The following CD55 variants were observed in gnomAD, a reference collection of about 807,000 sequenced individuals.
CD55 encodes the protein complement decay-accelerating factor.
Under a neutral mutation model 45.8 loss-of-function variants are expected in CD55, and 41 were observed. That is an observed-to-expected ratio of 0.90 (90% CI 0.70 to 1.16). CD55 has a LOEUF of 1.16. Ranked by LOEUF, CD55 falls within the 50% of genes most tolerant of loss-of-function variation. The probability of loss-of-function intolerance (pLI) is 0.00; values close to 1 mark genes in which losing one functional copy is unlikely to be tolerated. For missense variants in CD55, 416 were observed against 469.8 expected, an observed-to-expected ratio of 0.89 and a Z score of 1.06; for synonymous variants, 181 against 181.1, an observed-to-expected ratio of 1.00 and a Z score of 0.01.
chr1:207,335,098 A>C (rs1201141606), intron 6 of CD55, among the ~76,000 whole-genome samples: 1 of 152,212 alleles, frequency 6.6e-6, no homozygotes, highest in Non-Finnish European at 1.5e-5. Flanking sequence ...ATATATCATA[A>C]TCTGGAATCT....
chr1:207,335,385 A>G (rs7555030), intron 6 of CD55, among the ~76,000 whole-genome samples: 105,198 of 152,016 alleles, frequency 0.69, 36,872 homozygotes, highest in Middle Eastern at 0.83. Context: ...GCTACAATAC[A>G]TTGCAAAAGA....
chr1:207,334,261 T>C (rs1210562983), intron 6 of CD55, among the ~76,000 whole-genome samples: 2 of 152,156 alleles, frequency 1.3e-5, no homozygotes, highest in African/African-American at 4.8e-5. Context: ...AAAATTACTG[T>C]TCACCTAGAA....
rs1558161964 is a variant in CD55 at position 207,359,649 on chromosome 1, A to C, written c.*39A>C. 1 of 1,553,746 alleles carries C rather than the reference A, an allele frequency of 6.4e-7. No homozygotes were observed. Reference sequence around the variant, plus strand: ...AAGAAGAAAATACACACAAGTATACAGACTGTTCCTAGTTTCTTAGACTTA... The same window carrying C: ...AAGAAGAAAATACACACAAGTATACCGACTGTTCCTAGTTTCTTAGACTTA... On this transcript the variant is annotated 3_prime_UTR_variant, in exon 10 of 10. Transcript: ENST00000367064.
At chr1:207,347,503 G>T (rs1469335690) in intron 9 of CD55, 2 of 276,346 alleles carry the variant, frequency 7.2e-6, no homozygotes, top group Non-Finnish European at 1.5e-5. Flanking sequence ...CTCGAGATCT[G>T]CCTGCCTCGG....
chr1:207,331,453 C>G (rs772409675), intron 6 of CD55, among the ~76,000 whole-genome samples, 157 bp downstream of exon 6: 1 of 149,462 alleles, frequency 6.7e-6, no homozygotes, highest in African/African-American at 2.5e-5. Context: ...TACAGCTTCT[C>G]AGAAGGGTCT....
At position 207,359,569 on chromosome 1, in the gene CD55, G is replaced by A; in HGVS notation, c.1105G>A (p.Gly369Ser). Residue 369 changes from glycine (G) to serine (S), a missense_variant, in exon 10 of 10, where the codon GGT becomes AGT. Gly to Ser is a moderately conservative substitution (Grantham distance 56, BLOSUM62 0). Coordinates refer to ENST00000367064, the MANE Select transcript of CD55 (RefSeq NM_000574.5). ...LSGHTCFTLT[G>S]LLGTLVTMGL... is the part of the protein sequence containing the mutation. ...AGGGCACACGTGTTTCACGTTGACA[G>A]GTTTGCTTGGGACGCTAGTAACCAT... The A allele has an allele frequency of 6.3e-7, 1 of 1,576,642 alleles. No individual in the cohort carries two copies. The highest frequency in any genetic ancestry group is 8.6e-7 in the Non-Finnish European group (1 of 1,165,694).
chr1:207,330,809 G>A (rs753455862), intron 5 of CD55, among the ~76,000 whole-genome samples: 1 of 152,048 alleles, frequency 6.6e-6, no homozygotes, highest in African/African-American at 2.4e-5. Context: ...TCCTAGCACC[G>A]TTTTGATATG....
Position 207,321,852 on chromosome 1 carries a change from G to A in CD55, c.87G>A (p.Leu29=). Residue 29 remains leucine, a synonymous_variant, in exon 1 of 10, where the codon CTG becomes CTA. Transcript: ENST00000367064. ...PRLLLLVLLC[L]PAVWGDCGLP... is the part of the protein sequence containing the mutation. Reference sequence around the variant, plus strand: ...TGCTGCTGCTGGTGCTGTTGTGCCTGCCGGCCGTGTGGGGTGAGTAGGGGC... The same window carrying A: ...TGCTGCTGCTGGTGCTGTTGTGCCTACCGGCCGTGTGGGGTGAGTAGGGGC... 6.5e-7 allele frequency: 1 copy of A among 1,528,424 alleles called. No individual in the cohort carries two copies. Among genetic ancestry groups the A allele is most frequent in the East Asian group, 2.5e-5 (1 of 40,246 alleles). 94.7% of individuals were successfully genotyped at this position (1,528,424 alleles called of 1,614,324 possible). A position where few individuals can be genotyped will look rare whatever the true frequency, so the allele number is the denominator to read the frequency against.
intron 9 of CD55, chr1:207,358,571 A>T (rs1656166288): frequency 6.6e-6 from 1 of 152,216 alleles, no homozygotes; most frequent in African/African-American, 2.4e-5. Flanking sequence ...TGACCATTTA[A>T]GTGTGACTGG....
At chr1:207,335,420 C>G (rs1052514487) in intron 6 of CD55, among the ~76,000 whole-genome samples, 1 of 152,122 alleles carries the variant, frequency 6.6e-6, no homozygotes, top group Non-Finnish European at 1.5e-5. Flanking sequence ...AGCATACCTT[C>G]TAGCCACAGT....
At position 207,359,724 on chromosome 1, in the gene CD55, TTTCA is replaced by T; in HGVS notation, c.*117_*120del. On this transcript the variant is annotated 3_prime_UTR_variant, in exon 10 of 10. Transcript: ENST00000367064. ...CAATTGTGCTCTTCATTTAGGATGC[TTTCA>T]TTGTCTTTAAGATGTGTTAGGAATG... 7.4e-7 allele frequency: 1 copy of T among 1,360,490 alleles called. No homozygotes were observed. Among genetic ancestry groups the T allele is most frequent in the Non-Finnish European group, 9.7e-7 (1 of 1,031,774 alleles). 84.3% of individuals were successfully genotyped at this position (1,360,490 alleles called of 1,614,324 possible). A position where few individuals can be genotyped will look rare whatever the true frequency, so the allele number is the denominator to read the frequency against.
intron 9 of CD55, among the ~76,000 whole-genome samples, chr1:207,343,807 T>C (rs1204056308): frequency 2.0e-5 from 3 of 152,320 alleles, no homozygotes; most frequent in East Asian, 1.9e-4. Flanking sequence ...TCCCTTTAGA[T>C]TGGACAATAT....
At chr1:207,359,375 C>T (rs1283524322) in intron 9 of CD55, among the ~76,000 whole-genome samples, 171 bp from the exon 10 acceptor site, 1 of 152,056 alleles carries the variant, frequency 6.6e-6, no homozygotes, top group Non-Finnish European at 1.5e-5. Flanking sequence ...TAAACCCCAC[C>T]TGTAGAATCT....
Position 207,341,721 on chromosome 1 carries a change from C to T in CD55, c.1081+2304C>T, listed in dbSNP as rs147348225. On this transcript the variant is annotated intron_variant, in intron 9 of 9. Coordinates refer to ENST00000367064, the MANE Select transcript of CD55 (RefSeq NM_000574.5). ...TTTGTTTTTGCTCGGGTTGTGTTAG[C>T]TCTTTGGACTCTTTTGGTTCCACAA... is the stretch of plus-strand genomic sequence containing the variant. Among the ~76,000 whole-genome samples the T allele has an allele frequency of 6.9e-4, 105 of 151,620 alleles. No homozygotes were observed. In the East Asian group the frequency reaches 0.017, roughly 24 times the overall value.
intron 9 of CD55, among the ~76,000 whole-genome samples, chr1:207,346,108 G>GT (rs1476137144): frequency 6.6e-6 from 1 of 152,256 alleles, no homozygotes; most frequent in Non-Finnish European, 1.5e-5. Flanking sequence ...TTGGCAGCAA[G>GT]TGGGGGCATG....
At chr1:207,354,087 C>G (rs954384738) in intron 9 of CD55, 36 of 1,530,310 alleles carry the variant, frequency 2.4e-5, no homozygotes, top group Non-Finnish European at 3.1e-5. Context: ...CTAGGTCACT[C>G]CAGTTCTTGG....
At chr1:207,324,526 A>C (rs761997705) in intron 2 of CD55, 33 bp from the exon 3 acceptor site, 3 of 1,478,622 alleles carry the variant, frequency 2.0e-6, no homozygotes, top group Non-Finnish European at 1.8e-6. Flanking sequence ...TTGATACTAC[A>C]TTTTTTGTTG....
intron 5 of CD55, among the ~76,000 whole-genome samples, chr1:207,330,173 C>G (rs867978724): frequency 6.6e-6 from 1 of 152,134 alleles, no homozygotes; most frequent in East Asian, 1.9e-4. Context: ...TCTCTGCACA[C>G]TCTAAGTTAG....
chr1:207,359,785 G>A lies in CD55; in HGVS notation c.*175G>A. ...GAGCAAGGAGAAAAAAGGCAGTCCT[G>A]GAATCACATTCTTAGCACACCTACA... is the stretch of plus-strand genomic sequence containing the variant. On this transcript the variant is annotated 3_prime_UTR_variant, in exon 10 of 10. Transcript: ENST00000367064. The A allele has an allele frequency of 4.3e-6, 3 of 702,632 alleles. No individual in the cohort carries two copies. The highest frequency in any genetic ancestry group is 3.6e-5 in the South Asian group (1 of 27,900). The allele number at this position is 702,632 out of a possible 1,614,324, so 43.5% of individuals were successfully genotyped here. A position where few individuals can be genotyped will look rare whatever the true frequency, so the allele number is the denominator to read the frequency against.
Sources: allele counts gnomAD v4.1 joint callset (sites outside exome capture counted in the v4.1 genomes callset), GRCh38; gene constraint gnomAD v4.1.1; transcripts MANE v1.5; gene names NCBI Gene and HGNC (gene_info 2026-07-23, HGNC 2026-07-21).